Variants in HIVEP3 observed in about 807,000 individuals in gnomAD.
HIVEP3 encodes the protein HIVEP zinc finger 3.
Under a neutral mutation model 152.8 loss-of-function variants are expected in HIVEP3, and 49 were observed. The observed-to-expected ratio is 0.32, with a 90% confidence interval of 0.26 to 0.41. The LOEUF is 0.41. HIVEP3 is among the 10% of genes least tolerant of loss of function. The pLI, the probability that HIVEP3 is intolerant of heterozygous loss-of-function variation, is 1.00. For synonymous variants in HIVEP3, 1,269 were observed against 1,289.0 expected, an observed-to-expected ratio of 0.98 and a Z score of 0.33; for missense variants, 2,790 against 3,103.3, an observed-to-expected ratio of 0.90 and a Z score of 2.40.
At chr1:41,716,074 G>C (rs1057203658) in intron 1 of HIVEP3, among the ~76,000 whole-genome samples, 5 of 152,250 alleles carry the variant, frequency 3.3e-5, no homozygotes, top group Admixed American at 2.0e-4. Flanking sequence ...ACTCCATGTG[G>C]AGGAAAGCAG....
At chr1:41,963,851 CACAA>C (rs1477548495) in intron 1 of HIVEP3, among the ~76,000 whole-genome samples, 4 of 152,116 alleles carry the variant, frequency 2.6e-5, no homozygotes, top group Admixed American at 1.3e-4. Context: ...GATTCAAGTT[CACAA>C]ACAGTCACTC....
chr1:41,751,416 C>T (rs1043687780), intron 1 of HIVEP3, among the ~76,000 whole-genome samples: 2 of 150,316 alleles, frequency 1.3e-5, no homozygotes, highest in Admixed American at 1.3e-4. Context: ...CGCCCCCTCA[C>T]CCAGGGCTCA....
At chr1:41,640,985 G>A (rs2149156961) in intron 2 of HIVEP3, among the ~76,000 whole-genome samples, 1 of 152,350 alleles carries the variant, frequency 6.6e-6, no homozygotes, top group South Asian at 2.1e-4. Context: ...TCTGAAACAA[G>A]AGCAAGAGTG....
Position 41,574,234 on chromosome 1 carries a change from C to T in HIVEP3, c.5207+1310G>A, listed in dbSNP as rs1569962666. ...CTTCATCAATCCTGCCTCTGTGTGG[C>T]CTCTAAGGGATCCAGTGGCATGAGA... On this transcript the variant is annotated intron_variant, in intron 5 of 8. Coordinates refer to ENST00000372583, the MANE Select transcript of HIVEP3 (RefSeq NM_024503.5). Among the ~76,000 whole-genome samples the T allele has an allele frequency of 2.0e-5, 3 of 152,032 alleles. No individual in the cohort carries two copies. In the East Asian group the frequency reaches 5.8e-4, roughly 29 times the overall value.
chr1:41,864,723 C>G (rs971233251), intron 1 of HIVEP3: 7 of 152,238 alleles, frequency 4.6e-5, no homozygotes, highest in African/African-American at 1.7e-4. Context: ...GTAGCAGGCC[C>G]ATGGAAACAC....
intron 1 of HIVEP3, among the ~76,000 whole-genome samples, chr1:41,833,892 G>A (rs1220364490): frequency 6.6e-6 from 1 of 152,210 alleles, no homozygotes; most frequent in Admixed American, 6.5e-5. Context: ...TACCGAGCCT[G>A]CTCAGCGTGG....
intron 1 of HIVEP3, among the ~76,000 whole-genome samples, chr1:41,902,967 GGTGA>G (rs1178020047): frequency 1.3e-5 from 2 of 152,266 alleles, no homozygotes; most frequent in South Asian, 2.1e-4. Flanking sequence ...AAGAGAGTAT[GGTGA>G]GTATTTAGAA....
At chr1:41,844,667 T>G (rs1479148339) in intron 1 of HIVEP3, among the ~76,000 whole-genome samples, 1 of 152,196 alleles carries the variant, frequency 6.6e-6, no homozygotes, top group Admixed American at 6.5e-5. Context: ...CCAAGGTTGG[T>G]GTAAAATCTA....
chr1:42,024,207 A>C (rs940190917), intron 1 of HIVEP3, among the ~76,000 whole-genome samples: 2 of 152,026 alleles, frequency 1.3e-5, no homozygotes, highest in Non-Finnish European at 2.9e-5. Flanking sequence ...TTTCTTCTCT[A>C]TATATTATTT....
At chr1:41,728,002 GGGGAACAGACA>G in intron 1 of HIVEP3, among the ~76,000 whole-genome samples, 1 of 152,208 alleles carries the variant, frequency 6.6e-6, no homozygotes, top group East Asian at 1.9e-4. Context: ...CAGGATACCT[GGGGAACAGACA>G]GGGAGAGTAT....
At chr1:41,944,297 TA>T (rs1467040775) in intron 1 of HIVEP3, among the ~76,000 whole-genome samples, 1 of 152,226 alleles carries the variant, frequency 6.6e-6, no homozygotes, top group Non-Finnish European at 1.5e-5. Flanking sequence ...TTGTCACAAT[TA>T]AAAACAATTT....
chr1:41,809,519 A>G (rs893735113), intron 1 of HIVEP3, among the ~76,000 whole-genome samples: 5 of 152,220 alleles, frequency 3.3e-5, no homozygotes, highest in Admixed American at 1.3e-4. Flanking sequence ...TGTCTTAGAT[A>G]TATGGTGACC....
At chr1:42,003,503 G>A (rs914785866) in intron 1 of HIVEP3, among the ~76,000 whole-genome samples, 8 of 152,300 alleles carry the variant, frequency 5.3e-5, no homozygotes, top group Middle Eastern at 3.4e-3. Flanking sequence ...GTCCTTGTCC[G>A]TGCACATCGA....
intron 7 of HIVEP3, 80 bp downstream of exon 7, chr1:41,518,322 G>A: frequency 8.3e-7 from 1 of 1,208,988 alleles, no homozygotes; most frequent in South Asian, 1.2e-5. Context: ...AAGGAAGCAG[G>A]GAAGGCAAGC....
intron 1 of HIVEP3, among the ~76,000 whole-genome samples, chr1:41,815,929 A>G (rs1419083070): frequency 3.3e-5 from 5 of 151,920 alleles, no homozygotes; most frequent in Non-Finnish European, 7.4e-5. Context: ...AAAACTTAGA[A>G]ATCAGATTGC....
At chr1:41,579,531 A>G (rs2149103009) in intron 4 of HIVEP3, among the ~76,000 whole-genome samples, 1 of 152,358 alleles carries the variant, frequency 6.6e-6, no homozygotes, top group Middle Eastern at 3.4e-3. Flanking sequence ...AAGTGTATCT[A>G]TTCCAATGAT....
rs1261708741 is a variant in HIVEP3 at position 41,511,735 on chromosome 1, AAGATTCCT to A, written c.6406-477_6406-470del. Among the ~76,000 whole-genome samples, 7 of 152,318 alleles carry A rather than the reference AAGATTCCT, an allele frequency of 4.6e-5. No homozygotes were observed. In the South Asian group the frequency reaches 1.5e-3, roughly 32 times the overall value. On this transcript the variant is annotated intron_variant, in intron 8 of 8. Transcript: ENST00000372583. This position sits in a 1 kb window ranked among gnomAD's most constrained non-coding sequence, Gnocchi z 4.9. ...TGAACCCAAAATTAAAAATCAAGGA[AAGATTCCT>A]AGATCAGTGTTCCTCCAGGAGTGAC...
At chr1:41,602,171 C>T (rs983524701) in intron 3 of HIVEP3, among the ~76,000 whole-genome samples, 1 of 150,240 alleles carries the variant, frequency 6.7e-6, no homozygotes, top group African/African-American at 2.5e-5. Flanking sequence ...ATTTTTGCAT[C>T]TATATTCATT....
chr1:41,537,216 G>A (rs1432972779), intron 5 of HIVEP3, among the ~76,000 whole-genome samples: 1 of 152,108 alleles, frequency 6.6e-6, no homozygotes, highest in Non-Finnish European at 1.5e-5. Flanking sequence ...TTTATATTAT[G>A]ACTTTTCCAC....
Sources: allele counts gnomAD v4.1 joint callset (sites outside exome capture counted in the v4.1 genomes callset), GRCh38; gene constraint gnomAD v4.1.1; non-coding constraint Gnocchi (gnomAD v3.1); transcripts MANE v1.5; gene names NCBI Gene and HGNC (gene_info 2026-07-23, HGNC 2026-07-21).